The following ZNF626 variants were observed in gnomAD, a reference collection of about 807,000 sequenced individuals.
ZNF626 encodes the protein CTC-513N18.7.
Under a neutral mutation model 11.7 loss-of-function variants are expected in ZNF626, and 4 were observed. That is an observed-to-expected ratio of 0.34 (90% CI 0.17 to 0.78). The LOEUF (loss-of-function observed/expected upper bound fraction) is 0.78, where lower values mean the gene tolerates loss of function less well. Ranked by LOEUF, ZNF626 falls within the 30% of genes least tolerant of loss-of-function variation. The probability of loss-of-function intolerance (pLI) is 0.57; values close to 1 mark genes in which losing one functional copy is unlikely to be tolerated. For synonymous variants in ZNF626, 179 were observed against 198.6 expected (o/e 0.90, Z 0.83); for missense variants, 588 against 587.1 (o/e 1.00, Z -0.01).
rs540353357 is a variant in ZNF626 at position 20,627,723 on chromosome 19, CAAAA to C, written c.227-2077_227-2074del. Among the ~76,000 whole-genome samples the C allele has an allele frequency of 3.7e-3, 559 of 151,906 alleles. 8 individuals carry two copies. Among genetic ancestry groups the C allele is most frequent in the Middle Eastern group, 0.024 (7 of 294 alleles). On this transcript the variant is annotated intron_variant, in intron 3 of 3. Transcript: ENST00000601440. ...ACAGGAGTCAGTTGAGATCTACTGA[CAAAA>C]AAAGACTGAAAGTGGCAAGACAGAA...
chr19:20,632,077 G>A (rs1969912045), intron 3 of ZNF626, among the ~76,000 whole-genome samples: 1 of 152,024 alleles, frequency 6.6e-6, no homozygotes, highest in African/African-American at 2.4e-5. Context: ...TGAAATTCCG[G>A]GTTGAAAATT....
In ZNF626 at chr19:20,653,648, A is replaced by G. The variant is rs1488678437; in HGVS notation, c.4-7243T>C. ...TGTCCCCTGCCCTCCCAGCAAAAAA[A>G]AAAAGAAAAAGAAAAAAAGAAAAAG... is the stretch of plus-strand genomic sequence containing the variant. On this transcript the variant is annotated intron_variant, in intron 1 of 3. Transcript: ENST00000601440. Among the ~76,000 whole-genome samples the G allele has an allele frequency of 3.3e-5, 3 of 91,354 alleles. No individual in the cohort carries two copies. The African/African-American group carries it at 3.5e-4, about 11-fold the overall frequency. The allele number at this position is 91,354 out of a possible 152,430, so 59.9% of individuals were successfully genotyped here. A position where few individuals can be genotyped will look rare whatever the true frequency, so the allele number is the denominator to read the frequency against.
chr19:20,628,708 A>G (rs1969868529), intron 3 of ZNF626, among the ~76,000 whole-genome samples: 1 of 152,174 alleles, frequency 6.6e-6, no homozygotes, highest in Non-Finnish European at 1.5e-5. Context: ...GCAGGTTGCA[A>G]AAATTTTCTC....
chr19:20,659,134 T>C (rs1204811446), intron 1 of ZNF626, among the ~76,000 whole-genome samples: 1 of 152,206 alleles, frequency 6.6e-6, no homozygotes, highest in Non-Finnish European at 1.5e-5. Flanking sequence ...CATTATGACT[T>C]AGATGGTGCT....
intron 3 of ZNF626, 36 bp from the exon 4 acceptor site, chr19:20,625,686 G>C: frequency 6.7e-7 from 1 of 1,501,832 alleles, no homozygotes; most frequent in East Asian, 2.3e-5. Context: ...ACTTCAATTG[G>C]TAGACTCAGA....
At chr19:20,630,633 T>C (rs1238840043) in intron 3 of ZNF626, among the ~76,000 whole-genome samples, 7 of 149,216 alleles carry the variant, frequency 4.7e-5, no homozygotes, top group Admixed American at 3.9e-4. Context: ...ATATCCCCTT[T>C]ATCATTTTTT....
intron 3 of ZNF626, among the ~76,000 whole-genome samples, chr19:20,641,260 G>A (rs7254509): frequency 0.45 from 67,979 of 151,712 alleles, 16,478 homozygotes; most frequent in African/African-American, 0.63. Context: ...TTAAAAATAC[G>A]TCAAAAAATA....
chr19:20,626,303 A>G (rs1388908432), intron 3 of ZNF626, among the ~76,000 whole-genome samples: 1 of 152,212 alleles, frequency 6.6e-6, no homozygotes, highest in Non-Finnish European at 1.5e-5. Context: ...GCATTTTGTT[A>G]ATGTAAAAAT....
In ZNF626 at chr19:20,625,769, C is replaced by T. The variant is rs976144495; in HGVS notation, c.227-119G>A. 6 of 1,046,580 alleles carry T rather than the reference C, an allele frequency of 5.7e-6. No individual in the cohort carries two copies. The African/African-American group carries it at 1.0e-4, about 18-fold the overall frequency. 64.8% of individuals were successfully genotyped at this position (1,046,580 alleles called of 1,614,324 possible). On this transcript the variant is annotated intron_variant, in intron 3 of 3. Coordinates refer to ENST00000601440, the MANE Select transcript of ZNF626 (RefSeq NM_001076675.3). The stretch of plus-strand genomic sequence containing the variant: ...ATAAGCAAGATGACACAGGAAAATA[C>T]CACAAGCTGTAATTTCTTCCTGGAC...
chr19:20,625,956 A>T (rs1271421539), intron 3 of ZNF626, among the ~76,000 whole-genome samples: 5 of 152,172 alleles, frequency 3.3e-5, no homozygotes, highest in African/African-American at 1.2e-4. Flanking sequence ...CCAGTATAAC[A>T]TTGTGCCTTT....
In ZNF626 at chr19:20,622,556, G is replaced by A. The variant is rs1259295855; in HGVS notation, c.*1734C>T. 1 of 146,816 alleles carries A rather than the reference G, an allele frequency of 6.8e-6. No homozygotes were observed. Among genetic ancestry groups the A allele is most frequent in the Non-Finnish European group, 1.5e-5 (1 of 66,860 alleles). 9.1% of individuals were successfully genotyped at this position (146,816 alleles called of 1,614,324 possible). On this transcript the variant is annotated 3_prime_UTR_variant, in exon 4 of 4. Coordinates refer to ENST00000601440, the MANE Select transcript of ZNF626 (RefSeq NM_001076675.3). ...CATACTTTCACGTGAATATAATAAAGTAACAGCATAATTTGAAAGCTGTAT... is the reference window on the plus strand; with the variant it reads ...CATACTTTCACGTGAATATAATAAAATAACAGCATAATTTGAAAGCTGTAT...
rs1568453757 is a variant in ZNF626, at chr19:20,625,084, C to G, written c.793G>C (p.Ala265Pro). Residue 265 changes from alanine (A) to proline (P), a missense_variant, in exon 4 of 4, where the codon GCC becomes CCC. By Grantham distance (27) the Ala-to-Pro change is conservative (BLOSUM62 -1). Coordinates refer to ENST00000601440, the MANE Select transcript of ZNF626 (RefSeq NM_001076675.3). ...KPYKCDKCGK[A>P]FMSSSTLSKH... Reference sequence around the variant, plus strand: ...CTAAGGGTTGAGGATGACATAAAGGCTTTGCCACATTTATCACACTTGTAG... The same window carrying G: ...CTAAGGGTTGAGGATGACATAAAGGGTTTGCCACATTTATCACACTTGTAG... The G allele has an allele frequency of 1.2e-6, 2 of 1,613,518 alleles. No homozygotes were observed. The highest frequency in any genetic ancestry group is 1.7e-5 in the Admixed American group (1 of 59,998).
At chr19:20,626,939 C>G (rs1178006971) in intron 3 of ZNF626, among the ~76,000 whole-genome samples, 1 of 152,018 alleles carries the variant, frequency 6.6e-6, no homozygotes, top group Non-Finnish European at 1.5e-5. Context: ...TGCTTGAACT[C>G]GGGAGGCAGA....
Position 20,620,219 on chromosome 19 carries a change from G to A in ZNF626, c.*4071C>T, listed in dbSNP as rs1434556053. The A allele has an allele frequency of 2.0e-5, 3 of 152,074 alleles. No homozygotes were observed. The highest frequency in any genetic ancestry group is 2.1e-4 in the South Asian group (1 of 4,816). 9.4% of individuals were successfully genotyped at this position (152,074 alleles called of 1,614,324 possible). On this transcript the variant is annotated 3_prime_UTR_variant, in exon 4 of 4. Transcript: ENST00000601440. ...AATACACGGATTCTGGGGAGAATCC[G>A]AGCCATAAGCCATAAAATTTTATAT...
At chr19:20,629,707 A>C (rs1262303314) in intron 3 of ZNF626, among the ~76,000 whole-genome samples, 1 of 152,192 alleles carries the variant, frequency 6.6e-6, no homozygotes, top group Non-Finnish European at 1.5e-5. Flanking sequence ...CTAGATATAC[A>C]ATCATGTCAT....
chr19:20,645,176 T>G, intron 3 of ZNF626: 1 of 1,011,920 alleles, frequency 9.9e-7, no homozygotes, highest in Non-Finnish European at 1.3e-6. Flanking sequence ...AGAGGAAGGA[T>G]GTCATAATTT....
chr19:20,633,231 C>T lies in ZNF626; in HGVS notation c.227-7581G>A, dbSNP rs1328672308. Among the ~76,000 whole-genome samples the T allele has an allele frequency of 5.3e-5, 8 of 152,330 alleles. No homozygotes were observed. In the East Asian group the frequency reaches 1.5e-3, roughly 29 times the overall value. ...CCTCCCAGTTAGGCTACTTGGGGGT[C>T]AGGGACCCACTTGAGAAGGCAGTCT... On this transcript the variant is annotated intron_variant, in intron 3 of 3. Coordinates refer to ENST00000601440, the MANE Select transcript of ZNF626 (RefSeq NM_001076675.3).
chr19:20,622,205 G>T lies in ZNF626; in HGVS notation c.*2085C>A, dbSNP rs1599468135. 8.2e-6 allele frequency: 1 copy of T among 121,866 alleles called. No homozygotes were observed. The highest frequency in any genetic ancestry group is 1.9e-5 in the Non-Finnish European group (1 of 52,238). The allele number at this position is 121,866 out of a possible 1,614,324, so 7.5% of individuals were successfully genotyped here. A position where few individuals can be genotyped will look rare whatever the true frequency, so the allele number is the denominator to read the frequency against. ...GACTCCATCTCAAAAGAAAAGTTAAGTAAGTAAATAAAATATAAGTTAAGT... is the reference window on the plus strand; with the variant it reads ...GACTCCATCTCAAAAGAAAAGTTAATTAAGTAAATAAAATATAAGTTAAGT... On this transcript the variant is annotated 3_prime_UTR_variant, in exon 4 of 4. Coordinates refer to ENST00000601440, the MANE Select transcript of ZNF626 (RefSeq NM_001076675.3).
intron 3 of ZNF626, among the ~76,000 whole-genome samples, chr19:20,632,411 A>C (rs782722009): frequency 6.6e-6 from 1 of 152,164 alleles, no homozygotes; most frequent in Non-Finnish European, 1.5e-5. Flanking sequence ...TCTCCCCGTC[A>C]CTTTTAGATA....
Sources: gnomAD v4.1 joint callset for allele counts (sites outside exome capture counted in the v4.1 genomes callset) on GRCh38, gnomAD v4.1.1 for gene constraint, MANE v1.5 for transcripts, NCBI Gene and HGNC (gene_info 2026-07-23, HGNC 2026-07-21) for gene names.